Variants in MYO9A observed in about 807,000 individuals in gnomAD.
The protein encoded by MYO9A is unconventional myosin-IXa.
In MYO9A, 103 loss-of-function variants were observed where a neutral mutation model predicts 293.3. The observed-to-expected ratio is 0.35, with a 90% CI of 0.30 to 0.41. The LOEUF (loss-of-function observed/expected upper bound fraction) is 0.41, where lower values mean the gene tolerates loss of function less well. MYO9A is among the 10% of genes least tolerant of loss of function. The pLI, the probability that MYO9A is intolerant of heterozygous loss-of-function variation, is 1.00. For synonymous variants in MYO9A, 1,001 were observed against 1,035.7 expected, an observed-to-expected ratio of 0.97 and a Z score of 0.64; for missense variants, 2,685 against 3,033.0, an observed-to-expected ratio of 0.89 and a Z score of 2.69.
chr15:72,011,467 A>G (rs2077172793), intron 6 of MYO9A, among the ~76,000 whole-genome samples: 1 of 152,116 alleles, frequency 6.6e-6, no homozygotes, highest in Admixed American at 6.6e-5. Context: ...ACATCAGATG[A>G]GTCAGTAAAA....
At chr15:72,015,357 T>C (rs1176264179) in intron 6 of MYO9A, among the ~76,000 whole-genome samples, 1 of 152,152 alleles carries the variant, frequency 6.6e-6, no homozygotes, top group African/African-American at 2.4e-5. Flanking sequence ...AACATTATGG[T>C]TTCAGGGTAT....
At chr15:71,836,319 T>A (rs952116205) in intron 39 of MYO9A, among the ~76,000 whole-genome samples, 14 of 151,982 alleles carry the variant, frequency 9.2e-5, no homozygotes, top group Non-Finnish European at 1.5e-5. Flanking sequence ...ATACAATTTT[T>A]AAAAATAACA....
At chr15:72,101,723 C>T (rs2080337845) in intron 1 of MYO9A, among the ~76,000 whole-genome samples, 1 of 140,556 alleles carries the variant, frequency 7.1e-6, no homozygotes, top group Non-Finnish European at 1.5e-5. Flanking sequence ...CCAGCCGCCC[C>T]GTCTGGGAGG....
At chr15:72,076,129 C>T (rs765481832) in intron 1 of MYO9A, among the ~76,000 whole-genome samples, 27 of 152,180 alleles carry the variant, frequency 1.8e-4, no homozygotes, top group Middle Eastern at 3.4e-3. Flanking sequence ...CATGGCAAAA[C>T]CCCATCTCTA....
chr15:71,885,392 CTG>C (rs950141968), intron 27 of MYO9A, among the ~76,000 whole-genome samples: 2 of 151,998 alleles, frequency 1.3e-5, no homozygotes, highest in Non-Finnish European at 2.9e-5. Context: ...CTCATGAAAA[CTG>C]TTTGATTTTT....
intron 6 of MYO9A, among the ~76,000 whole-genome samples, chr15:72,011,385 A>G (rs560754122): frequency 6.6e-6 from 1 of 151,786 alleles, no homozygotes; most frequent in East Asian, 1.9e-4. Flanking sequence ...TCCTAATGAA[A>G]TAACAGACAA....
In MYO9A at chr15:71,899,712, A is replaced by T. The variant is rs1172026196; in HGVS notation, c.3445T>A (p.Cys1149Ser). ...CTTTGTCTTGCTCTGAATCCTCTACATGTTGATTGCAAAAGGATAATTTTT... is the reference window on the plus strand; with the variant it reads ...CTTTGTCTTGCTCTGAATCCTCTACTTGTTGATTGCAAAAGGATAATTTTT... ...RKKIILLQST[C>S]RGFRARQRFK... Residue 1149 changes from cysteine (C) to serine (S), a missense_variant, in exon 24 of 42, where the codon TGT (cysteine) becomes AGT (serine). Around this residue, in one of 10 missense-constraint regions of MYO9A, gnomAD observed 1,434 missense variants for 1,497.7 expected, o/e 0.96. Coordinates refer to ENST00000356056, the MANE Select transcript of MYO9A (RefSeq NM_006901.4). 1 of 1,613,810 alleles carries T rather than the reference A, an allele frequency of 6.2e-7. No homozygotes were observed. Among genetic ancestry groups the T allele is most frequent in the Admixed American group, 1.7e-5 (1 of 59,922 alleles).
At chr15:71,935,596 A>AAG in intron 16 of MYO9A, 112 bp from the exon 17 acceptor site, 1 of 1,060,888 alleles carries the variant, frequency 9.4e-7, no homozygotes. Flanking sequence ...AAAAAATGCT[A>AAG]AACCAACCAA....
At chr15:71,975,460 CT>C (rs2076119677) in intron 12 of MYO9A, among the ~76,000 whole-genome samples, 1 of 146,698 alleles carries the variant, frequency 6.8e-6, no homozygotes, top group South Asian at 2.2e-4. Flanking sequence ...GACTTATTAA[CT>C]ACCACAGCCC....
At chr15:71,836,931 G>C (rs1277636775) in intron 39 of MYO9A, among the ~76,000 whole-genome samples, 1 of 151,988 alleles carries the variant, frequency 6.6e-6, no homozygotes, top group African/African-American at 2.4e-5. Context: ...TTGAGCTGGG[G>C]TGGTATGTGG....
chr15:71,826,085 AGGCTT>A lies in MYO9A; in HGVS notation c.*490_*494del, dbSNP rs1312734046. The A allele has an allele frequency of 7.1e-6, 1 of 141,604 alleles. No individual in the cohort carries two copies. Among genetic ancestry groups the A allele is most frequent in the Non-Finnish European group, 1.5e-5 (1 of 66,560 alleles). 8.8% of individuals were successfully genotyped at this position (141,604 alleles called of 1,614,324 possible). On this transcript the variant is annotated 3_prime_UTR_variant, in exon 42 of 42. Coordinates refer to ENST00000356056, the MANE Select transcript of MYO9A (RefSeq NM_006901.4). ...TCAGAAATCTTAAAATAGAGGGATT[AGGCTT>A]TTTGTTTGTAAGTAAGTTTTTGGAA...
intron 1 of MYO9A, among the ~76,000 whole-genome samples, chr15:72,069,836 A>G (rs1213240780): frequency 1.3e-5 from 2 of 150,786 alleles, no homozygotes; most frequent in Admixed American, 1.3e-4. Context: ...GGGCCGGGGG[A>G]GGCTGGTGTG....
At chr15:72,024,352 C>T (rs995544763) in intron 4 of MYO9A, among the ~76,000 whole-genome samples, 1 of 152,180 alleles carries the variant, frequency 6.6e-6, no homozygotes, top group Non-Finnish European at 1.5e-5. Context: ...GGCATGATCT[C>T]GACTCACTGC....
At chr15:72,050,503 A>T (rs1231861953) in intron 1 of MYO9A, among the ~76,000 whole-genome samples, 1 of 152,072 alleles carries the variant, frequency 6.6e-6, no homozygotes, top group Non-Finnish European at 1.5e-5. Flanking sequence ...GCTACTCCGG[A>T]GGCTGAGGCA....
At chr15:71,919,607 G>A (rs1349192764) in intron 18 of MYO9A, among the ~76,000 whole-genome samples, 3 of 151,908 alleles carry the variant, frequency 2.0e-5, no homozygotes, top group Non-Finnish European at 2.9e-5. Flanking sequence ...TGAGGAGGCC[G>A]AGGAGAGTGG....
intron 5 of MYO9A, 107 bp downstream of exon 5, chr15:72,020,811 C>T: frequency 1.8e-6 from 1 of 545,820 alleles, no homozygotes; most frequent in Non-Finnish European, 2.9e-6. Context: ...TATGAAAATG[C>T]TAGCTAATCC....
chr15:72,111,122 G>C (rs543258652), intron 1 of MYO9A, among the ~76,000 whole-genome samples: 1 of 149,370 alleles, frequency 6.7e-6, no homozygotes, highest in African/African-American at 2.5e-5. Context: ...TTGCACCCCT[G>C]CACTCCAGCC....
chr15:71,942,792 A>T (rs1567300047), intron 15 of MYO9A, among the ~76,000 whole-genome samples: 1 of 151,944 alleles, frequency 6.6e-6, no homozygotes, highest in Admixed American at 6.6e-5. Context: ...CTTTTCCTTC[A>T]TCAAGCAAAT....
intron 12 of MYO9A, among the ~76,000 whole-genome samples, 164 bp downstream of exon 12, chr15:71,978,007 A>G (rs1265636720): frequency 6.6e-6 from 1 of 152,196 alleles, no homozygotes; most frequent in Non-Finnish European, 1.5e-5. Context: ...AATGCACTCC[A>G]GCCTGGGTGA....
Sources: allele counts gnomAD v4.1 joint callset (sites outside exome capture counted in the v4.1 genomes callset), GRCh38; gene constraint gnomAD v4.1.1; regional missense constraint gnomAD v4.1.1; transcripts MANE v1.5; gene names NCBI Gene and HGNC (gene_info 2026-07-23, HGNC 2026-07-21).